Variants in EIPR1 observed in about 807,000 individuals in gnomAD.
EIPR1 encodes EARP and GARP complex-interacting protein 1.
In EIPR1, 25 loss-of-function variants were observed where a neutral mutation model predicts 48.1. The ratio of observed to expected loss-of-function variants is 0.52; its 90% CI spans 0.38 to 0.73. EIPR1 has a LOEUF of 0.73. Among genes scored for constraint, EIPR1 ranks in the 30% least tolerant of loss-of-function variants. The pLI is 0.00. For missense variants in EIPR1, 415 were observed against 506.2 expected (o/e 0.82, Z 1.73); for synonymous variants, 204 against 201.9 (o/e 1.01, Z -0.09).
At chr2:3,348,658 G>T (rs1670475340) in intron 2 of EIPR1, among the ~76,000 whole-genome samples, 1 of 152,238 alleles carries the variant, frequency 6.6e-6, no homozygotes, top group Non-Finnish European at 1.5e-5. Flanking sequence ...AACTGTGACA[G>T]TCCCCACATT....
chr2:3,216,727 T>C (rs1229201707), intron 4 of EIPR1, among the ~76,000 whole-genome samples: 2 of 152,250 alleles, frequency 1.3e-5, no homozygotes, highest in African/African-American at 4.8e-5. Flanking sequence ...AAAACTCTTC[T>C]ATGTTCCCCA....
At chr2:3,314,427 A>G (rs531925819) in intron 3 of EIPR1, among the ~76,000 whole-genome samples, 2 of 152,226 alleles carry the variant, frequency 1.3e-5, no homozygotes, top group South Asian at 4.1e-4. Context: ...GTGGACATTT[A>G]TTATTTTTAA....
chr2:3,277,236 A>ACGCGGCCCCACACCTGTCTCCACCCG (rs1667878774), intron 3 of EIPR1, among the ~76,000 whole-genome samples: 1 of 151,526 alleles, frequency 6.6e-6, no homozygotes, highest in Non-Finnish European at 1.5e-5. Context: ...GTCTCCACCC[A>ACGCGGCCCCACACCTGTCTCCACCCG]CGCGGCCCCA....
At chr2:3,259,935 T>C (rs1667274964) in intron 3 of EIPR1, among the ~76,000 whole-genome samples, 1 of 152,208 alleles carries the variant, frequency 6.6e-6, no homozygotes, top group African/African-American at 2.4e-5. Context: ...CCAGCTAGAC[T>C]GATGATAAAG....
At chr2:3,343,054 A>G (rs748453729) in intron 2 of EIPR1, among the ~76,000 whole-genome samples, 2 of 152,210 alleles carry the variant, frequency 1.3e-5, no homozygotes, top group Non-Finnish European at 2.9e-5. Context: ...ATTAATCACA[A>G]TCTACAGGTG....
At chr2:3,318,824 G>C (rs759481854) in intron 3 of EIPR1, 2 of 470,096 alleles carry the variant, frequency 4.3e-6, no homozygotes, top group South Asian at 3.1e-5. Flanking sequence ...ACTCAGGAGG[G>C]GTGCTTGTTT....
At chr2:3,282,690 G>A (rs1208941568) in intron 3 of EIPR1, 2 of 152,090 alleles carry the variant, frequency 1.3e-5, no homozygotes, top group South Asian at 2.1e-4. Context: ...GTGCGCTCCC[G>A]AGTCTGCACC....
intron 1 of EIPR1, among the ~76,000 whole-genome samples, chr2:3,371,637 C>G (rs62119556): frequency 0.17 from 25,758 of 152,064 alleles, 2,350 homozygotes; most frequent in Non-Finnish European, 0.2. Flanking sequence ...GACAAAGAAG[C>G]CCATTACTTA....
At chr2:3,360,294 C>T (rs934809447) in intron 1 of EIPR1, among the ~76,000 whole-genome samples, 3 of 151,940 alleles carry the variant, frequency 2.0e-5, no homozygotes, top group Admixed American at 1.3e-4. Context: ...ATCTCAGCTA[C>T]TCAAGAGGCT....
At chr2:3,269,337 A>ACACTCAGTCATCG (rs869159397) in intron 3 of EIPR1, among the ~76,000 whole-genome samples, 5 of 84,500 alleles carry the variant, frequency 5.9e-5, no homozygotes, top group African/African-American at 1.1e-4. Context: ...AATCATCATC[A>ACACTCAGTCATCG]CACTCAGTCA....
At chr2:3,214,295 C>A in intron 4 of EIPR1, 47 bp from the exon 5 acceptor site, 1 of 1,562,276 alleles carries the variant, frequency 6.4e-7, no homozygotes, top group Non-Finnish European at 8.8e-7. Context: ...ATTTGAGATA[C>A]CCAGGCTGGT....
intron 3 of EIPR1, among the ~76,000 whole-genome samples, chr2:3,321,403 C>T (rs1179472126): frequency 1.3e-5 from 2 of 152,146 alleles, no homozygotes; most frequent in East Asian, 1.9e-4. Context: ...CTGCCCCCGC[C>T]GCCCCGTCTT....
At chr2:3,204,551 G>C (rs55760441) in intron 5 of EIPR1, among the ~76,000 whole-genome samples, 9,727 of 152,232 alleles carry the variant, frequency 0.064, 335 homozygotes, top group African/African-American at 0.077. Context: ...AGAATATTCA[G>C]TGCTTCCTGG....
At chr2:3,354,474 A>C in intron 2 of EIPR1, 76 bp downstream of exon 2, 2 of 1,383,302 alleles carry the variant, frequency 1.4e-6, no homozygotes, top group Non-Finnish European at 2.0e-6. Flanking sequence ...TGTTGCTGGA[A>C]AATCAGAGCA....
chr2:3,275,862 T>C (rs1397680166), intron 3 of EIPR1, among the ~76,000 whole-genome samples: 2 of 152,148 alleles, frequency 1.3e-5, no homozygotes, highest in Admixed American at 1.3e-4. Flanking sequence ...CTCAAGAAGA[T>C]TATTATAGAG....
chr2:3,314,016 C>T (rs1456691530), intron 3 of EIPR1, among the ~76,000 whole-genome samples: 1 of 152,176 alleles, frequency 6.6e-6, no homozygotes, highest in Non-Finnish European at 1.5e-5. Flanking sequence ...ACTAGCTGAC[C>T]CAGCCCCCCT....
chr2:3,254,603 T>C (rs1667098325), intron 4 of EIPR1, among the ~76,000 whole-genome samples: 1 of 152,212 alleles, frequency 6.6e-6, no homozygotes, highest in African/African-American at 2.4e-5. Flanking sequence ...ACATCAGTTA[T>C]TAAAGGTTAC....
intron 5 of EIPR1, among the ~76,000 whole-genome samples, chr2:3,204,504 G>A (rs919907657): frequency 2.6e-5 from 4 of 152,200 alleles, no homozygotes; most frequent in African/African-American, 9.7e-5. Context: ...TCCACAGGGT[G>A]CAATGCATGC....
chr2:3,371,210 G>A (rs1412038708), intron 1 of EIPR1, among the ~76,000 whole-genome samples: 1 of 152,136 alleles, frequency 6.6e-6, no homozygotes, highest in Non-Finnish European at 1.5e-5. Context: ...CCACCACCAG[G>A]CCTGCCCTAA....
Sources: allele counts gnomAD v4.1 joint callset (sites outside exome capture counted in the v4.1 genomes callset), GRCh38; gene constraint gnomAD v4.1.1; transcripts MANE v1.5; gene names NCBI Gene and HGNC (gene_info 2026-07-23, HGNC 2026-07-21).